KCNN3: variants seen among roughly 807,000 people sequenced by gnomAD.
KCNN3 encodes the protein potassium calcium-activated channel subfamily N member 3, also known as small conductance calcium-activated potassium channel protein 3.
KCNN3 carries 16 observed loss-of-function variants against 62.9 expected under a neutral mutation model. That is an observed-to-expected ratio of 0.25 (90% CI 0.17 to 0.39). The LOEUF (loss-of-function observed/expected upper bound fraction) is 0.39, where lower values mean the gene tolerates loss of function less well. Among genes scored for constraint, KCNN3 ranks in the 10% least tolerant of loss-of-function variants. The pLI is 1.00. For synonymous variants in KCNN3, 370 were observed against 389.2 expected (o/e 0.95, Z 0.58); for missense variants, 599 against 949.4 (o/e 0.63, Z 4.85).
chr1:154,718,679 G>T (rs557496474), intron 5 of KCNN3, among the ~76,000 whole-genome samples: 10 of 152,166 alleles, frequency 6.6e-5, no homozygotes, highest in Non-Finnish European at 1.0e-4. Flanking sequence ...ACAATCCTGC[G>T]GAGAAGACGG....
At chr1:154,821,004 G>C (rs1474612351) in intron 2 of KCNN3, among the ~76,000 whole-genome samples, 1 of 152,160 alleles carries the variant, frequency 6.6e-6, no homozygotes, top group Non-Finnish European at 1.5e-5. Flanking sequence ...GGATTTGAAC[G>C]GTGTTGTTAA....
chr1:154,714,112 TGTG>T (rs1188642577), intron 6 of KCNN3, among the ~76,000 whole-genome samples: 4 of 6,206 alleles, frequency 6.4e-4, no homozygotes, highest in Admixed American at 4.4e-3. Context: ...GTGTGTGTGA[TGTG>T]GTGTGTGTGG....
intron 3 of KCNN3, among the ~76,000 whole-genome samples, chr1:154,739,060 A>T (rs141567213): frequency 1.3e-5 from 2 of 152,258 alleles, no homozygotes; most frequent in South Asian, 4.1e-4. Flanking sequence ...CCAAAGCATC[A>T]AAAGGTAGCA....
intron 1 of KCNN3, among the ~76,000 whole-genome samples, chr1:154,849,145 A>G (rs185257345): frequency 1.3e-5 from 2 of 152,294 alleles, no homozygotes; most frequent in Admixed American, 1.3e-4. Context: ...CTGGGCTGGC[A>G]CACTTAGCTG....
In KCNN3 at chr1:154,737,214, G is replaced by T. The variant is rs577004012; in HGVS notation, c.1449-4070C>A. On this transcript the variant is annotated intron_variant, in intron 3 of 7. Transcript: ENST00000271915. ...TTTTGCAATAGAAAATTTGGGGGGG[G>T]GGGATAGCTCCATGTTTTTCTTTAA... 2.2e-5 allele frequency: 6 copies of T among 272,370 alleles called. 1 individual carries two copies. Among genetic ancestry groups the T allele is most frequent in the South Asian group, 1.5e-4 (4 of 26,612 alleles). The allele number at this position is 272,370 out of a possible 1,614,324, so 16.9% of individuals were successfully genotyped here.
At chr1:154,831,508 G>A (rs775615379) in intron 1 of KCNN3, among the ~76,000 whole-genome samples, 8 of 152,194 alleles carry the variant, frequency 5.3e-5, no homozygotes, top group Non-Finnish European at 1.0e-4. Flanking sequence ...GGCCAGAAAT[G>A]AGAATTGCTG....
At chr1:154,710,621 G>T (rs895884569) in intron 7 of KCNN3, among the ~76,000 whole-genome samples, 1 of 152,210 alleles carries the variant, frequency 6.6e-6, no homozygotes. Flanking sequence ...TCTCCAAGAG[G>T]CCGTGGGTGG....
At position 154,762,307 on chromosome 1, in the gene KCNN3, TAAG is replaced by T. The variant is rs1472753869; in HGVS notation, c.1448+9665_1448+9667del. Among the ~76,000 whole-genome samples, 4 of 152,308 alleles carry T rather than the reference TAAG, an allele frequency of 2.6e-5. No individual in the cohort carries two copies. In the East Asian group the frequency reaches 7.7e-4, roughly 29 times the overall value. ...CCCCATGCCCGCCCACCGCCAACAATAAGAAGATTCTCCAGCACTGAGTTATAT... is the reference window on the plus strand; with the variant it reads ...CCCCATGCCCGCCCACCGCCAACAATAAGATTCTCCAGCACTGAGTTATAT... On this transcript the variant is annotated intron_variant, in intron 3 of 7. Coordinates refer to ENST00000271915, the MANE Select transcript of KCNN3 (RefSeq NM_002249.6).
At chr1:154,754,845 T>C (rs1647560867) in intron 3 of KCNN3, among the ~76,000 whole-genome samples, 1 of 152,204 alleles carries the variant, frequency 6.6e-6, no homozygotes, top group African/African-American at 2.4e-5. Context: ...CTAAAACGAA[T>C]ACTAACGGGT....
intron 1 of KCNN3, among the ~76,000 whole-genome samples, chr1:154,838,401 G>A (rs944303955): frequency 5.9e-5 from 9 of 151,976 alleles, no homozygotes; most frequent in African/African-American, 1.5e-4. Flanking sequence ...TCCCTTCTGC[G>A]GCTCCCCACA....
chr1:154,771,058 GATAAATAAATAAATAA>G (rs112864449), intron 3 of KCNN3, among the ~76,000 whole-genome samples: 15,741 of 136,568 alleles, frequency 0.12, 1,094 homozygotes, highest in Middle Eastern at 0.18. Flanking sequence ...CTCCATCTCA[GATAAATAAATAAATAA>G]ATAAATAAAT....
intron 2 of KCNN3, among the ~76,000 whole-genome samples, chr1:154,793,646 G>T (rs1014954011): frequency 1.3e-5 from 2 of 152,094 alleles, no homozygotes; most frequent in African/African-American, 4.8e-5. Flanking sequence ...ACTATGCTGG[G>T]GACTGTTACC....
intron 1 of KCNN3, among the ~76,000 whole-genome samples, chr1:154,824,431 C>T (rs1054785735): frequency 6.6e-6 from 1 of 152,200 alleles, no homozygotes; most frequent in Admixed American, 6.5e-5. Flanking sequence ...ACAAGCACTT[C>T]CTGGTGCCTG....
intron 1 of KCNN3, among the ~76,000 whole-genome samples, chr1:154,857,201 C>T (rs901218793): frequency 6.6e-6 from 1 of 152,234 alleles, no homozygotes; most frequent in African/African-American, 2.4e-5. Flanking sequence ...ACACTGTTAA[C>T]CCCATTCACA....
intron 1 of KCNN3, among the ~76,000 whole-genome samples, chr1:154,848,658 G>T (rs1218556): frequency 0.96 from 146,034 of 152,228 alleles, 70,101 homozygotes; most frequent in East Asian, 1. Context: ...TAAGAACACA[G>T]GGCACTCTCC....
intron 2 of KCNN3, among the ~76,000 whole-genome samples, chr1:154,783,162 G>A (rs914807902): frequency 5.3e-5 from 8 of 150,750 alleles, no homozygotes; most frequent in Non-Finnish European, 1.2e-4. Context: ...GCAGTGAGTC[G>A]AGATCGCACC....
intron 3 of KCNN3, among the ~76,000 whole-genome samples, chr1:154,754,654 G>A (rs1388937442): frequency 6.6e-6 from 1 of 152,222 alleles, no homozygotes; most frequent in Non-Finnish European, 1.5e-5. Context: ...CTTTCTTGAA[G>A]TATGAGGAAG....
chr1:154,730,896 C>A (rs1199613212), intron 4 of KCNN3, among the ~76,000 whole-genome samples: 3 of 152,126 alleles, frequency 2.0e-5, no homozygotes, highest in African/African-American at 7.2e-5. Context: ...GACAAACAGC[C>A]TCCGGACCCC....
intron 1 of KCNN3, among the ~76,000 whole-genome samples, chr1:154,837,851 T>G (rs1651656356): frequency 6.6e-6 from 1 of 152,122 alleles, no homozygotes. Context: ...GTGGGGATTT[T>G]GGCCCAAGGG....
Sources: allele counts gnomAD v4.1 joint callset (sites outside exome capture counted in the v4.1 genomes callset), GRCh38; gene constraint gnomAD v4.1.1; transcripts MANE v1.5; gene names NCBI Gene and HGNC (gene_info 2026-07-23, HGNC 2026-07-21).